Variants in GABBR2 observed in about 807,000 individuals in gnomAD.
GABBR2 encodes gamma-aminobutyric acid type B receptor subunit 2.
GABBR2 carries 23 observed loss-of-function variants against 105.6 expected under a neutral mutation model. That is an observed-to-expected ratio of 0.22 (90% CI 0.16 to 0.31). The LOEUF (loss-of-function observed/expected upper bound fraction) is 0.31, where lower values mean the gene tolerates loss of function less well. Ranked by LOEUF, GABBR2 falls within the 10% of genes least tolerant of loss-of-function variation. GABBR2 has a pLI of 1.00. For synonymous variants in GABBR2, 478 were observed against 499.7 expected (o/e 0.96, Z 0.58); for missense variants, 734 against 1,245.5 (o/e 0.59, Z 6.18).
chr9:98,629,740 C>A (rs1009216669), intron 1 of GABBR2, among the ~76,000 whole-genome samples: 1 of 152,162 alleles, frequency 6.6e-6, no homozygotes, highest in Non-Finnish European at 1.5e-5. Context: ...CCAATGAGAA[C>A]ATACAACTCC....
chr9:98,414,108 G>A (rs760488684), intron 7 of GABBR2, among the ~76,000 whole-genome samples: 1 of 151,842 alleles, frequency 6.6e-6, no homozygotes, highest in Non-Finnish European at 1.5e-5. Context: ...GGAAGACAGA[G>A]ACATTAAGCA....
At chr9:98,529,133 T>C (rs1239513857) in intron 3 of GABBR2, among the ~76,000 whole-genome samples, 1 of 151,136 alleles carries the variant, frequency 6.6e-6, no homozygotes, top group Admixed American at 6.6e-5. Context: ...CCCGAATCCT[T>C]GAAATGGCCG....
intron 1 of GABBR2, among the ~76,000 whole-genome samples, chr9:98,643,766 A>T (rs1369899999): frequency 6.6e-6 from 1 of 152,240 alleles, no homozygotes; most frequent in African/African-American, 2.4e-5. Context: ...ATGAAGCTCA[A>T]TCTGAGGATA....
intron 1 of GABBR2, among the ~76,000 whole-genome samples, chr9:98,674,602 G>A (rs1278841402): frequency 2.6e-5 from 4 of 152,146 alleles, no homozygotes; most frequent in African/African-American, 4.8e-5. Flanking sequence ...CACACCTACA[G>A]TACAGGACTC....
At chr9:98,431,001 C>T (rs1298857179) in intron 7 of GABBR2, among the ~76,000 whole-genome samples, 1 of 151,180 alleles carries the variant, frequency 6.6e-6, no homozygotes, top group Non-Finnish European at 1.5e-5. Context: ...ACTCCTCCAT[C>T]TTGGTTGGAA....
rs528168567 is a variant in GABBR2 at position 98,600,674 on chromosome 9, C to T, written c.322-22602G>A. Among the ~76,000 whole-genome samples the T allele has an allele frequency of 4.6e-5, 7 of 152,358 alleles. No individual in the cohort carries two copies. The East Asian group carries it at 1.2e-3, about 25-fold the overall frequency. On this transcript the variant is annotated intron_variant, in intron 1 of 18. Coordinates refer to ENST00000259455, the MANE Select transcript of GABBR2 (RefSeq NM_005458.8). Reference sequence around the variant, plus strand: ...TTCATGTTAGTATCAACGTTCACCTCTGCAGGTTCCCCAAGGCAGAAAACT... The same window carrying T: ...TTCATGTTAGTATCAACGTTCACCTTTGCAGGTTCCCCAAGGCAGAAAACT...
chr9:98,318,228 G>A (rs530290084), intron 13 of GABBR2, among the ~76,000 whole-genome samples: 92 of 152,316 alleles, frequency 6.0e-4, no homozygotes, highest in African/African-American at 2.2e-3. Flanking sequence ...GGTGGGGCCT[G>A]GGATGCTGCA....
intron 4 of GABBR2, among the ~76,000 whole-genome samples, chr9:98,492,366 A>AAAAAAAAAAAAAAAATTTTTATTTT: frequency 6.8e-6 from 1 of 148,146 alleles, no homozygotes; most frequent in East Asian, 1.9e-4. Flanking sequence ...AAAAAAAAAA[A>AAAAAAAAAAAAAAAATTTTTATTTT]AAAAAAAAAA....
chr9:98,559,042 G>A (rs770869672), intron 2 of GABBR2, among the ~76,000 whole-genome samples: 12 of 151,934 alleles, frequency 7.9e-5, no homozygotes, highest in Non-Finnish European at 1.2e-4. Context: ...TCTGGGCCTC[G>A]GTTTCCTGAA....
intron 13 of GABBR2, among the ~76,000 whole-genome samples, chr9:98,326,311 G>A (rs1463935695): frequency 6.6e-6 from 1 of 152,172 alleles, no homozygotes; most frequent in Non-Finnish European, 1.5e-5. Context: ...AATCTCATGT[G>A]CTCCTGTAAT....
rs143617763 is a variant in GABBR2 at position 98,421,606 on chromosome 9, C to T, written c.1237-15465G>A. Among the ~76,000 whole-genome samples, 35 of 152,092 alleles carry T rather than the reference C, an allele frequency of 2.3e-4. No homozygotes were observed. In the Middle Eastern group the frequency reaches 0.01, roughly 44 times the overall value. ...AAAAAAATATTGTGTGAAAAAATGC[C>T]GTGAAAAAATTACTGAGTCACTAAG... On this transcript the variant is annotated intron_variant, in intron 7 of 18. Transcript: ENST00000259455.
chr9:98,472,952 C>G (rs553490692), intron 6 of GABBR2, among the ~76,000 whole-genome samples, 194 bp downstream of exon 6: 3 of 152,222 alleles, frequency 2.0e-5, no homozygotes, highest in East Asian at 3.9e-4. Flanking sequence ...TCATTTGGGT[C>G]TCACAGTTGC....
intron 7 of GABBR2, among the ~76,000 whole-genome samples, chr9:98,423,364 C>T (rs866452281): frequency 2.2e-4 from 34 of 152,268 alleles, no homozygotes; most frequent in East Asian, 7.7e-4. Context: ...TGGCCAGTGA[C>T]GATGAGCATT....
intron 1 of GABBR2, among the ~76,000 whole-genome samples, chr9:98,621,299 C>T (rs1275948633): frequency 1.3e-5 from 2 of 152,164 alleles, no homozygotes; most frequent in East Asian, 3.9e-4. Context: ...AGGGGCACCA[C>T]TGCCATCCCA....
intron 1 of GABBR2, among the ~76,000 whole-genome samples, chr9:98,661,983 C>G (rs1032347043): frequency 6.6e-6 from 1 of 152,188 alleles, no homozygotes; most frequent in Admixed American, 6.5e-5. Flanking sequence ...CGCAGCTCAA[C>G]TTCTCCCACT....
chr9:98,672,107 C>T (rs1319031070), intron 1 of GABBR2, among the ~76,000 whole-genome samples: 2 of 152,162 alleles, frequency 1.3e-5, no homozygotes, highest in South Asian at 2.1e-4. Flanking sequence ...TTAAAATGCA[C>T]AGTTCAGTAG....
intron 18 of GABBR2, among the ~76,000 whole-genome samples, chr9:98,292,954 T>C (rs576810376): frequency 1.0e-3 from 155 of 152,368 alleles, no homozygotes; most frequent in African/African-American, 3.5e-3. Context: ...CATGTAACTC[T>C]CACTCACTGT....
At chr9:98,359,478 G>T (rs562544136) in intron 13 of GABBR2, among the ~76,000 whole-genome samples, 1 of 152,132 alleles carries the variant, frequency 6.6e-6, no homozygotes, top group Non-Finnish European at 1.5e-5. Flanking sequence ...TTATGGCACA[G>T]AAATGAATAA....
At chr9:98,371,381 A>G in intron 12 of GABBR2, 83 bp downstream of exon 12, 1 of 758,018 alleles carries the variant, frequency 1.3e-6, no homozygotes, top group Non-Finnish European at 2.3e-6. Context: ...CAAATAGCTC[A>G]GTGCCTGGAA....
Sources: gnomAD v4.1 joint callset for allele counts (sites outside exome capture counted in the v4.1 genomes callset) on GRCh38, gnomAD v4.1.1 for gene constraint, MANE v1.5 for transcripts, NCBI Gene and HGNC (gene_info 2026-07-23, HGNC 2026-07-21) for gene names.